Variants in ERGIC2 observed in about 807,000 individuals in gnomAD.
ERGIC2 encodes ERGIC and golgi 2, also known as endoplasmic reticulum-Golgi intermediate compartment protein 2.
Under a neutral mutation model 52.5 loss-of-function variants are expected in ERGIC2, and 31 were observed. The ratio of observed to expected loss-of-function variants is 0.59; its 90% CI spans 0.44 to 0.80. The LOEUF (loss-of-function observed/expected upper bound fraction) is 0.80. ERGIC2 is among the 30% of genes least tolerant of loss of function. The pLI, the probability that ERGIC2 is intolerant of heterozygous loss-of-function variation, is 0.00. For synonymous variants in ERGIC2, 129 were observed against 140.6 expected (o/e 0.92, Z 0.58); for missense variants, 395 against 455.2 (o/e 0.87, Z 1.20).
chr12:29,367,799 CG>C (rs1217308506), intron 4 of ERGIC2, among the ~76,000 whole-genome samples: 1 of 151,410 alleles, frequency 6.6e-6, no homozygotes, highest in African/African-American at 2.4e-5. Flanking sequence ...AGTCCAGTGA[CG>C]AAAAAAGAAA....
chr12:29,375,533 T>C (rs1592001528), intron 1 of ERGIC2, among the ~76,000 whole-genome samples: 1 of 152,212 alleles, frequency 6.6e-6, no homozygotes, highest in Non-Finnish European at 1.5e-5. Context: ...GGCCATCACA[T>C]AGTCAGTATA....
In ERGIC2 at chr12:29,343,189, C is replaced by T. The variant is rs757154416; in HGVS notation, c.919G>A (p.Glu307Lys). Reference protein sequence around the residue: ...LSSLMVTVTEEHMPFWQFFVR... With the variant: ...LSSLMVTVTEKHMPFWQFFVR... ...AAAAACTGCCAGAATGGCATGTGCT[C>T]CTCAGTAACTGTCACCATAAGAGAA... Residue 307 changes from glutamate to lysine, a missense_variant, in exon 12 of 14, where the codon GAG becomes AAG. Transcript: ENST00000360150. The T allele has an allele frequency of 5.0e-6, 8 of 1,611,250 alleles. No homozygotes were observed. The East Asian group carries it at 1.8e-4, about 36-fold the overall frequency.
chr12:29,345,642 G>A, intron 10 of ERGIC2, 102 bp from the exon 11 acceptor site: 1 of 717,518 alleles, frequency 1.4e-6, no homozygotes, highest in African/African-American at 1.7e-5. Context: ...AGCTGGATGT[G>A]GTGGCTCACA....
At chr12:29,342,321 A>G (rs1232069615) in intron 12 of ERGIC2, among the ~76,000 whole-genome samples, 6 of 152,216 alleles carry the variant, frequency 3.9e-5, no homozygotes, top group African/African-American at 9.6e-5. Flanking sequence ...GCCTAAACAC[A>G]ATCTTTTCAA....
intron 1 of ERGIC2, chr12:29,380,861 T>C (rs1940578635): frequency 6.6e-6 from 1 of 152,190 alleles, no homozygotes; most frequent in Non-Finnish European, 1.5e-5. Flanking sequence ...CTGAACTCCT[T>C]CGAGTTGCAG....
rs1159058657 is a variant in ERGIC2 at position 29,371,759 on chromosome 12, A to C, written c.-37-89T>G. 7 of 612,180 alleles carry C rather than the reference A, an allele frequency of 1.1e-5. No individual in the cohort carries two copies. In the East Asian group the frequency reaches 1.7e-4, roughly 15 times the overall value. 37.9% of individuals were successfully genotyped at this position (612,180 alleles called of 1,614,324 possible). On this transcript the variant is annotated intron_variant, in intron 1 of 13. Coordinates refer to ENST00000360150, the MANE Select transcript of ERGIC2 (RefSeq NM_016570.3). ...TTTAGGATAACTGACAAATGTCCTTAAAACAACTTAACATTCTCATCCCCC... is the reference window on the plus strand; with the variant it reads ...TTTAGGATAACTGACAAATGTCCTTCAAACAACTTAACATTCTCATCCCCC...
Position 29,341,152 on chromosome 12 carries a change from G to A in ERGIC2, c.*4C>T, listed in dbSNP as rs772717397. 1.5e-5 allele frequency: 24 copies of A among 1,603,212 alleles called. No homozygotes were observed. Among genetic ancestry groups the A allele is most frequent in the Non-Finnish European group, 2.6e-6 (3 of 1,173,034 alleles). ...AAAAGTTTTTCTCCTTCAATCGGGAGGTGTTAATGTGTATTATTTTCTAAA... is the reference window on the plus strand; with the variant it reads ...AAAAGTTTTTCTCCTTCAATCGGGAAGTGTTAATGTGTATTATTTTCTAAA... On this transcript the variant is annotated 3_prime_UTR_variant, in exon 14 of 14. Coordinates refer to ENST00000360150, the MANE Select transcript of ERGIC2 (RefSeq NM_016570.3).
chr12:29,347,050 TA>T (rs1219516141), intron 10 of ERGIC2, among the ~76,000 whole-genome samples: 2 of 152,174 alleles, frequency 1.3e-5, no homozygotes, highest in Non-Finnish European at 2.9e-5. Flanking sequence ...GTCTTAAATT[TA>T]AGCAGAAAAA....
At chr12:29,355,921 A>G (rs1464101514) in intron 8 of ERGIC2, among the ~76,000 whole-genome samples, 1 of 152,170 alleles carries the variant, frequency 6.6e-6, no homozygotes, top group Non-Finnish European at 1.5e-5. Flanking sequence ...CTATCCTGAG[A>G]CTGAAGCCCC....
Position 29,356,382 on chromosome 12 carries a change from T to A in ERGIC2, c.572A>T (p.Lys191Met). 1 of 1,527,178 alleles carries A rather than the reference T, an allele frequency of 6.5e-7. No individual in the cohort carries two copies. Among genetic ancestry groups the A allele is most frequent in the Non-Finnish European group, 9.1e-7 (1 of 1,101,062 alleles). The allele number at this position is 1,527,178 out of a possible 1,614,324, so 94.6% of individuals were successfully genotyped here. The change falls in exon 8 of 14, where the codon AAG (lysine) becomes ATG (methionine). Residue 191 changes from lysine (K) to methionine (M), a missense_variant and splice_region_variant. Physicochemically the swap from Lys to Met is moderately conservative, Grantham distance 95 (BLOSUM62 -1). Coordinates refer to ENST00000360150, the MANE Select transcript of ERGIC2 (RefSeq NM_016570.3). ...TTTTCAGTAAGTGAAAAGAACATAC[T>A]TGCCCACTGTTATGTGAAAATTCCC... ...VAGNFHITVG[K>M]AIPHPRGHAH...
At chr12:29,375,170 T>A (rs1940498260) in intron 1 of ERGIC2, among the ~76,000 whole-genome samples, 1 of 152,200 alleles carries the variant, frequency 6.6e-6, no homozygotes, top group South Asian at 2.1e-4. Context: ...TCTACTCATC[T>A]CTACCTTGAG....
At chr12:29,365,339 G>A (rs760083577) in intron 5 of ERGIC2, among the ~76,000 whole-genome samples, 1 of 151,992 alleles carries the variant, frequency 6.6e-6, no homozygotes, top group Non-Finnish European at 1.5e-5. Context: ...ATAATCCTAA[G>A]CAAATAAATG....
At position 29,371,606 on chromosome 12, in the gene ERGIC2, A is replaced by G; in HGVS notation, c.28T>C (p.Leu10=). Residue 10 remains leucine, a synonymous_variant, in exon 2 of 14, where the codon TTA becomes CTA. Coordinates refer to ENST00000360150, the MANE Select transcript of ERGIC2 (RefSeq NM_016570.3). MRRLNRKKT[L]SLVKELDAFP... ...GCATCCAACTCTTTTACCAAACTTA[A>G]AGTTTTTTTCCGATTCAGTCGCCTC... The G allele has an allele frequency of 6.2e-7, 1 of 1,613,514 alleles. No individual in the cohort carries two copies. The highest frequency in any genetic ancestry group is 8.5e-7 in the Non-Finnish European group (1 of 1,179,696).
At chr12:29,377,357 A>G (rs1028354201) in intron 1 of ERGIC2, among the ~76,000 whole-genome samples, 2 of 152,198 alleles carry the variant, frequency 1.3e-5, no homozygotes, top group African/African-American at 4.8e-5. Flanking sequence ...CCTCCCTTGG[A>G]TATCAAAATT....
At chr12:29,370,061 T>G in intron 3 of ERGIC2, 53 bp downstream of exon 3, 1 of 1,418,818 alleles carries the variant, frequency 7.0e-7, no homozygotes. Context: ...AGGTATGCTC[T>G]TTTTAAAACA....
At chr12:29,352,683 T>C (rs1940149194) in intron 8 of ERGIC2, among the ~76,000 whole-genome samples, 1 of 151,964 alleles carries the variant, frequency 6.6e-6, no homozygotes, top group Non-Finnish European at 1.5e-5. Context: ...AACAAACAAA[T>C]AAATAAACAA....
intron 5 of ERGIC2, among the ~76,000 whole-genome samples, chr12:29,365,727 A>C (rs1205996574): frequency 1.3e-5 from 2 of 151,936 alleles, no homozygotes; most frequent in Non-Finnish European, 2.9e-5. Flanking sequence ...ATAGTATAAA[A>C]TGTAATACAA....
At chr12:29,344,723 A>G (rs1248229799) in intron 11 of ERGIC2, among the ~76,000 whole-genome samples, 1 of 152,188 alleles carries the variant, frequency 6.6e-6, no homozygotes, top group Non-Finnish European at 1.5e-5. Flanking sequence ...TTATAAGGCT[A>G]GTAAAAGAAA....
At chr12:29,375,203 T>C (rs192387076) in intron 1 of ERGIC2, among the ~76,000 whole-genome samples, 48 of 152,314 alleles carry the variant, frequency 3.2e-4, no homozygotes, top group Non-Finnish European at 1.2e-4. Context: ...ACAAAAAAAC[T>C]TTCCATGGCC....
Sources: allele counts gnomAD v4.1 joint callset (sites outside exome capture counted in the v4.1 genomes callset), GRCh38; gene constraint gnomAD v4.1.1; transcripts MANE v1.5; gene names NCBI Gene and HGNC (gene_info 2026-07-23, HGNC 2026-07-21).